ATAD2B: variants seen among roughly 807,000 people sequenced by gnomAD.
The protein encoded by ATAD2B is ATPase family AAA domain containing 2B.
A neutral mutation model predicts 167.6 loss-of-function variants in ATAD2B; 40 were observed. The ratio of observed to expected loss-of-function variants is 0.24; its 90% CI spans 0.19 to 0.31. ATAD2B has a LOEUF of 0.31. Ranked by LOEUF, ATAD2B falls within the 10% of genes least tolerant of loss-of-function variation. ATAD2B has a pLI of 1.00. For missense variants in ATAD2B, 1,242 were observed against 1,757.2 expected (o/e 0.71, Z 5.24); for synonymous variants, 579 against 596.5 (o/e 0.97, Z 0.43).
At chr2:23,911,623 C>G (rs13387694) in intron 1 of ATAD2B, among the ~76,000 whole-genome samples, 1 of 151,846 alleles carries the variant, frequency 6.6e-6, no homozygotes, top group African/African-American at 2.4e-5. Context: ...GGGGAGGGGG[C>G]GAAGCGAAGC....
chr2:23,758,488 T>A (rs113519038), intron 24 of ATAD2B, among the ~76,000 whole-genome samples: 3 of 152,218 alleles, frequency 2.0e-5, no homozygotes, highest in African/African-American at 7.2e-5. Flanking sequence ...AGCCCTGGAT[T>A]TCCACCAGGA....
At chr2:23,893,051 T>C (rs1699753876) in intron 2 of ATAD2B, among the ~76,000 whole-genome samples, 1 of 152,188 alleles carries the variant, frequency 6.6e-6, no homozygotes, top group South Asian at 2.1e-4. Flanking sequence ...TATCAATCAT[T>C]AAAATTCTGT....
intron 18 of ATAD2B, among the ~76,000 whole-genome samples, chr2:23,802,445 T>C (rs910647064): frequency 6.6e-6 from 1 of 152,096 alleles, no homozygotes; most frequent in African/African-American, 2.4e-5. Flanking sequence ...TTTCTTTACA[T>C]GCACATAAAA....
chr2:23,786,388 A>G (rs970283009), intron 20 of ATAD2B, among the ~76,000 whole-genome samples, 165 bp from the exon 21 acceptor site: 4 of 152,096 alleles, frequency 2.6e-5, no homozygotes, highest in Admixed American at 6.6e-5. Flanking sequence ...CAATTTTGTC[A>G]TTGTGTGAAC....
chr2:23,890,560 C>G (rs114949808), intron 2 of ATAD2B, among the ~76,000 whole-genome samples: 1 of 152,136 alleles, frequency 6.6e-6, no homozygotes, highest in Non-Finnish European at 1.5e-5. Context: ...ACAGAAAAAC[C>G]AACTTTATTA....
chr2:23,727,998 A>G, the ATAD2B span, among the ~76,000 whole-genome samples: 3 of 152,302 alleles, frequency 2.0e-5, no homozygotes, highest in South Asian at 6.2e-4. Context: ...GGTATTAAAC[A>G]TTTGTCAAAG....
At chr2:23,845,129 A>G (rs747336343) in intron 13 of ATAD2B, among the ~76,000 whole-genome samples, 5 of 152,226 alleles carry the variant, frequency 3.3e-5, no homozygotes, top group Non-Finnish European at 7.3e-5. Context: ...TTATACCCAG[A>G]GAAAATACCC....
the ATAD2B span, among the ~76,000 whole-genome samples, chr2:23,740,371 T>C: frequency 1.3e-5 from 2 of 152,140 alleles, no homozygotes; most frequent in East Asian, 1.9e-4. Flanking sequence ...GTGGGCTTCA[T>C]CCCTGGGATG....
chr2:23,894,475 A>G (rs1024514103), intron 2 of ATAD2B, among the ~76,000 whole-genome samples: 12 of 152,022 alleles, frequency 7.9e-5, no homozygotes, highest in South Asian at 2.1e-4. Flanking sequence ...TCAAAAAAAA[A>G]AAAGAAAGAA....
At chr2:23,866,667 A>G (rs1463101018) in intron 10 of ATAD2B, among the ~76,000 whole-genome samples, 2 of 152,164 alleles carry the variant, frequency 1.3e-5, no homozygotes, top group Non-Finnish European at 2.9e-5. Flanking sequence ...GCAATACTCT[A>G]ATATTTTCTT....
chr2:23,791,431 T>C (rs1279173441), intron 19 of ATAD2B, among the ~76,000 whole-genome samples: 2 of 152,184 alleles, frequency 1.3e-5, no homozygotes, highest in Admixed American at 6.5e-5. Flanking sequence ...TGGTATTCTT[T>C]ATTTTTGATT....
At chr2:23,712,770 T>G in the ATAD2B span, among the ~76,000 whole-genome samples, 3 of 152,058 alleles carry the variant, frequency 2.0e-5, no homozygotes, top group East Asian at 5.8e-4. Flanking sequence ...CATGGATCTC[T>G]TTACAAAAAA....
At chr2:23,717,198 T>C in the ATAD2B span, among the ~76,000 whole-genome samples, 4 of 152,086 alleles carry the variant, frequency 2.6e-5, no homozygotes, top group African/African-American at 7.2e-5. Context: ...GGTACACCTG[T>C]GTGAGGAAGA....
chr2:23,891,809 C>A (rs1382809856), intron 2 of ATAD2B, among the ~76,000 whole-genome samples: 1 of 148,962 alleles, frequency 6.7e-6, no homozygotes, highest in African/African-American at 2.5e-5. Flanking sequence ...AACCCTGTTT[C>A]CTGAATTTTT....
At chr2:23,754,598 A>C in intron 26 of ATAD2B, 49 bp downstream of exon 26, 2 of 1,590,218 alleles carry the variant, frequency 1.3e-6, no homozygotes, top group Non-Finnish European at 1.7e-6. Context: ...AAACACATTC[A>C]AATCTCCGTC....
At chr2:23,702,498 C>T in the ATAD2B span, among the ~76,000 whole-genome samples, 1 of 152,172 alleles carries the variant, frequency 6.6e-6, no homozygotes, top group African/African-American at 2.4e-5. Flanking sequence ...TCCCAAAATG[C>T]CACCTTTGCC....
intron 13 of ATAD2B, among the ~76,000 whole-genome samples, chr2:23,847,481 G>A (rs1691846019): frequency 6.6e-6 from 1 of 151,844 alleles, no homozygotes; most frequent in African/African-American, 2.4e-5. Flanking sequence ...CTCCAGCCTG[G>A]GCGACAGAGT....
At chr2:23,871,586 C>A (rs780501992) in intron 8 of ATAD2B, among the ~76,000 whole-genome samples, 1 of 152,166 alleles carries the variant, frequency 6.6e-6, no homozygotes, top group Admixed American at 6.5e-5. Flanking sequence ...AACCCTGTAC[C>A]AATCCAAGTA....
At chr2:23,689,456 C>A in the ATAD2B span, 1 of 152,612 alleles carries the variant, frequency 6.6e-6, no homozygotes, top group African/African-American at 2.4e-5. Flanking sequence ...GACTGTCCGT[C>A]TGCCCAGCAC....
Sources: allele counts gnomAD v4.1 joint callset (sites outside exome capture counted in the v4.1 genomes callset), GRCh38; gene constraint gnomAD v4.1.1; transcripts MANE v1.5; gene names NCBI Gene and HGNC (gene_info 2026-07-23, HGNC 2026-07-21).